PUM1: variants seen among roughly 807,000 people sequenced by gnomAD.
PUM1 encodes pumilio RNA binding family member 1, also known as pumilio homolog 1.
In PUM1, 13 loss-of-function variants were observed where a neutral mutation model predicts 131.8. The observed-to-expected ratio is 0.10, with a 90% CI of 0.06 to 0.16. The LOEUF is 0.16. Among genes scored for constraint, PUM1 ranks in the 10% least tolerant of loss-of-function variants. The probability of loss-of-function intolerance (pLI) is 1.00; values close to 1 mark genes in which losing one functional copy is unlikely to be tolerated. For missense variants in PUM1, 961 were observed against 1,512.4 expected (o/e 0.64, Z 6.05); for synonymous variants, 509 against 556.5 (o/e 0.91, Z 1.20).
At chr1:31,017,773 C>A (rs1382381522) in intron 3 of PUM1, among the ~76,000 whole-genome samples, 1 of 152,106 alleles carries the variant, frequency 6.6e-6, no homozygotes, top group African/African-American at 2.4e-5. Context: ...TGAAAAATCA[C>A]TAATGTCAGC....
intron 2 of PUM1, among the ~76,000 whole-genome samples, chr1:31,043,346 G>T (rs1430317301): frequency 6.6e-6 from 1 of 151,526 alleles, no homozygotes; most frequent in Non-Finnish European, 1.5e-5. Context: ...GGGATTATAG[G>T]CACCCCCCCA....
intron 6 of PUM1, among the ~76,000 whole-genome samples, 190 bp from the exon 7 acceptor site, chr1:30,992,850 G>A (rs145981586): frequency 7.9e-5 from 12 of 152,188 alleles, no homozygotes; most frequent in Non-Finnish European, 1.2e-4. Context: ...TTCTATTGCC[G>A]GCAATTCCAT....
chr1:30,995,349 A>G lies in PUM1; in HGVS notation c.721-129T>C, dbSNP rs895459320. On this transcript the variant is annotated intron_variant, in intron 5 of 21. Coordinates refer to ENST00000426105, the MANE Select transcript of PUM1 (RefSeq NM_001020658.2). ...GTGTTGTGCCCTTTCACACATTACAATCTAATTAACAAACAACACAGAGGC... is the reference window on the plus strand; with the variant it reads ...GTGTTGTGCCCTTTCACACATTACAGTCTAATTAACAAACAACACAGAGGC... 7 of 985,774 alleles carry G rather than the reference A, an allele frequency of 7.1e-6. No homozygotes were observed. In the African/African-American group the frequency reaches 8.1e-5, roughly 11 times the overall value. 61.1% of individuals were successfully genotyped at this position (985,774 alleles called of 1,614,324 possible).
chr1:30,964,034 T>C (rs960064826), intron 14 of PUM1, among the ~76,000 whole-genome samples: 1 of 152,188 alleles, frequency 6.6e-6, no homozygotes, highest in Non-Finnish European at 1.5e-5. Context: ...TTCATTCTTA[T>C]AGCCTGCTGC....
chr1:31,065,102 C>A (rs1288956751), intron 1 of PUM1, among the ~76,000 whole-genome samples: 1 of 152,130 alleles, frequency 6.6e-6, no homozygotes, highest in African/African-American at 2.4e-5. Flanking sequence ...CAAAGTTCCC[C>A]CACGGTGAAT....
intron 18 of PUM1, among the ~76,000 whole-genome samples, chr1:30,942,931 T>C (rs566127646): frequency 1.1e-4 from 16 of 152,130 alleles, no homozygotes; most frequent in South Asian, 4.1e-4. Context: ...TAAAAAAAAA[T>C]TGTGTGTAGA....
At chr1:31,033,213 C>CTT (rs573799816) in intron 2 of PUM1, among the ~76,000 whole-genome samples, 2 of 144,800 alleles carry the variant, frequency 1.4e-5, no homozygotes, top group Non-Finnish European at 3.1e-5. Flanking sequence ...CTGATTTTTC[C>CTT]TTTTTTTTTT....
At chr1:30,978,790 C>T (rs753041975) in intron 9 of PUM1, among the ~76,000 whole-genome samples, 9 of 152,032 alleles carry the variant, frequency 5.9e-5, no homozygotes, top group Non-Finnish European at 1.3e-4. Flanking sequence ...AAAATCTAGT[C>T]TCAAGGGAAA....
At chr1:31,057,395 G>C (rs926868049) in intron 2 of PUM1, among the ~76,000 whole-genome samples, 1 of 113,932 alleles carries the variant, frequency 8.8e-6, no homozygotes, top group African/African-American at 3.4e-5. Flanking sequence ...GACAGAGCCA[G>C]ACCTTGTCTC....
At chr1:30,934,928 T>G (rs1639137824) in intron 21 of PUM1, among the ~76,000 whole-genome samples, 1 of 152,232 alleles carries the variant, frequency 6.6e-6, no homozygotes. Context: ...TATGTCCCTT[T>G]TGCTGAAAAG....
chr1:30,968,626 T>C (rs1640727594), intron 10 of PUM1, 134 bp from the exon 11 acceptor site: 1 of 817,314 alleles, frequency 1.2e-6, no homozygotes, highest in Non-Finnish European at 1.8e-6. Context: ...ATGTCACAGC[T>C]GTTAGCGTAT....
chr1:31,034,612 C>G (rs1205568808), intron 2 of PUM1, among the ~76,000 whole-genome samples: 1 of 152,150 alleles, frequency 6.6e-6, no homozygotes, highest in Non-Finnish European at 1.5e-5. Flanking sequence ...AACAGAAAGC[C>G]TCCAAGTATT....
intron 3 of PUM1, among the ~76,000 whole-genome samples, chr1:31,014,625 T>C (rs1463825491): frequency 1.3e-5 from 2 of 151,748 alleles, no homozygotes; most frequent in East Asian, 3.9e-4. Flanking sequence ...CTGTCTCTAC[T>C]AAAAATACAA....
In PUM1 at chr1:30,957,695, C is replaced by T. The variant is rs145092356; in HGVS notation, c.2324-3714G>A. Reference sequence around the variant, plus strand: ...CATGTAGTATGTCATGCCCATGCTACGTCAAATGTTATCATTTACTTGCTT... The same window carrying T: ...CATGTAGTATGTCATGCCCATGCTATGTCAAATGTTATCATTTACTTGCTT... On this transcript the variant is annotated intron_variant, in intron 14 of 21. Transcript: ENST00000426105. Among the ~76,000 whole-genome samples the T allele has an allele frequency of 6.8e-4, 103 of 152,310 alleles. 2 individuals are homozygous for T. The East Asian group carries it at 0.019, about 28-fold the overall frequency.
chr1:31,043,814 G>A (rs1643894431), intron 2 of PUM1, among the ~76,000 whole-genome samples: 1 of 152,130 alleles, frequency 6.6e-6, no homozygotes, highest in Non-Finnish European at 1.5e-5. Context: ...AAAATGTGTG[G>A]CTTGGAAAAA....
intron 4 of PUM1, 111 bp from the exon 5 acceptor site, chr1:31,006,142 A>C (rs1031199597): frequency 1.2e-6 from 1 of 855,748 alleles, no homozygotes; most frequent in African/African-American, 1.7e-5. Flanking sequence ...TGGTCAGTTG[A>C]GCCAAAACCT....
rs554083331 is a variant in PUM1 at position 30,963,038 on chromosome 1, C to A, written c.2323+1636G>T. On this transcript the variant is annotated intron_variant, in intron 14 of 21. Coordinates refer to ENST00000426105, the MANE Select transcript of PUM1 (RefSeq NM_001020658.2). Reference sequence around the variant, plus strand: ...TGTAACAGGATATACACTGAAACTGCATGCTTTGGAGTCGAAAAGGCTTGA... The same window carrying A: ...TGTAACAGGATATACACTGAAACTGAATGCTTTGGAGTCGAAAAGGCTTGA... Among the ~76,000 whole-genome samples, 130 of 152,290 alleles carry A rather than the reference C, an allele frequency of 8.5e-4. 2 individuals are homozygous for A. The highest frequency in any genetic ancestry group is 1.4e-3 in the Non-Finnish European group (96 of 68,012).
At position 31,059,572 on chromosome 1, in the gene PUM1, C is replaced by G; in HGVS notation, c.-6G>C. The G allele has an allele frequency of 1.2e-6, 2 of 1,603,918 alleles. No homozygotes were observed. The highest frequency in any genetic ancestry group is 2.2e-5 in the East Asian group (1 of 44,754). On this transcript the variant is annotated 5_prime_UTR_variant, in exon 2 of 22. Transcript: ENST00000426105. ...AAGACACATGCAACGCTCATTCCAC[C>G]AACACCTAAGGACAAACAGGTTACA... is the stretch of plus-strand genomic sequence containing the variant.
chr1:31,014,064 G>A (rs1423825473), intron 3 of PUM1, among the ~76,000 whole-genome samples: 2 of 152,156 alleles, frequency 1.3e-5, no homozygotes, highest in African/African-American at 4.8e-5. Flanking sequence ...CACTTTGGGA[G>A]GTGAGGCAGG....
Sources: allele counts gnomAD v4.1 joint callset (sites outside exome capture counted in the v4.1 genomes callset), GRCh38; gene constraint gnomAD v4.1.1; transcripts MANE v1.5; gene names NCBI Gene and HGNC (gene_info 2026-07-23, HGNC 2026-07-21).